Variants in AP3S2 observed in about 807,000 individuals in gnomAD.
AP3S2 encodes AP-3 complex subunit sigma-2.
In AP3S2, 22 loss-of-function variants were observed where a neutral mutation model predicts 23.4. The observed-to-expected ratio is 0.94, with a 90% CI of 0.67 to 1.34. The LOEUF (loss-of-function observed/expected upper bound fraction) is 1.34. Ranked by LOEUF, AP3S2 falls within the 40% of genes most tolerant of loss-of-function variation. The probability of loss-of-function intolerance (pLI) is 0.00; values close to 1 mark genes in which losing one functional copy is unlikely to be tolerated. For missense variants in AP3S2, 241 were observed against 236.9 expected, an observed-to-expected ratio of 1.02 and a Z score of -0.11; for synonymous variants, 86 against 87.1, an observed-to-expected ratio of 0.99 and a Z score of 0.07.
intron 1 of AP3S2, among the ~76,000 whole-genome samples, chr15:89,890,880 C>T (rs1302709194): frequency 1.3e-5 from 2 of 152,206 alleles, no homozygotes; most frequent in Non-Finnish European, 2.9e-5. Flanking sequence ...ACAGTATTTA[C>T]TGACTGAATG....
intron 3 of AP3S2, among the ~76,000 whole-genome samples, chr15:89,879,502 G>GAA (rs1189259942): frequency 3.9e-4 from 60 of 152,208 alleles, no homozygotes; most frequent in Admixed American, 2.6e-3. Flanking sequence ...CCATATTATG[G>GAA]AAAATCACAC....
intron 4 of AP3S2, among the ~76,000 whole-genome samples, chr15:89,868,386 A>AG (rs1896212301): frequency 1.9e-4 from 5 of 26,276 alleles, no homozygotes; most frequent in Admixed American, 4.2e-4. Context: ...TCCGGGAGGG[A>AG]GGTGGGGGGG....
In AP3S2 at chr15:89,832,631, G is replaced by A. The variant is rs992285242; in HGVS notation, c.*2884C>T. 3 of 151,928 alleles carry A rather than the reference G, an allele frequency of 2.0e-5. No homozygotes were observed. The highest frequency in any genetic ancestry group is 4.4e-5 in the Non-Finnish European group (3 of 68,044). 9.4% of individuals were successfully genotyped at this position (151,928 alleles called of 1,614,324 possible). On this transcript the variant is annotated 3_prime_UTR_variant, in exon 6 of 6. Coordinates refer to ENST00000336418, the MANE Select transcript of AP3S2 (RefSeq NM_005829.5). ...AGCCTCCTGAGTAGCTGGGACTACA[G>A]GTGTCCACTACCACGGCTGGCCAAT...
chr15:89,849,574 A>T (rs543486256), intron 4 of AP3S2, among the ~76,000 whole-genome samples: 1 of 152,010 alleles, frequency 6.6e-6, no homozygotes, highest in South Asian at 2.1e-4. Flanking sequence ...TCACTATGTT[A>T]GCCAGGATGG....
intron 3 of AP3S2, among the ~76,000 whole-genome samples, chr15:89,875,453 G>C (rs899080043): frequency 1.3e-5 from 2 of 152,164 alleles, no homozygotes; most frequent in African/African-American, 4.8e-5. Context: ...GAAAGAAAAC[G>C]AAGGACGAAA....
chr15:89,885,329 A>C (rs1485233464), intron 3 of AP3S2, among the ~76,000 whole-genome samples: 1 of 152,160 alleles, frequency 6.6e-6, no homozygotes, highest in Non-Finnish European at 1.5e-5. Flanking sequence ...CAAACAGCCA[A>C]GCAGCTGGGA....
intron 4 of AP3S2, among the ~76,000 whole-genome samples, chr15:89,856,048 T>TA (rs1175961461): frequency 6.7e-6 from 1 of 149,728 alleles, no homozygotes; most frequent in Non-Finnish European, 1.5e-5. Flanking sequence ...GAGGGTTGCA[T>TA]AAATTACACA....
intron 2 of AP3S2, among the ~76,000 whole-genome samples, 194 bp from the exon 3 acceptor site, chr15:89,888,826 T>A (rs1896755843): frequency 6.6e-6 from 1 of 152,198 alleles, no homozygotes; most frequent in Non-Finnish European, 1.5e-5. Flanking sequence ...CCTCTTCTCC[T>A]GCCTATCCTC....
intron 5 of AP3S2, among the ~76,000 whole-genome samples, chr15:89,837,097 C>T (rs1462115919): frequency 6.6e-6 from 1 of 152,116 alleles, no homozygotes; most frequent in Non-Finnish European, 1.5e-5. Flanking sequence ...TGGGGGTGGA[C>T]TGGGGTATGT....
intron 4 of AP3S2, among the ~76,000 whole-genome samples, chr15:89,843,659 T>C (rs1386965288): frequency 6.6e-6 from 1 of 151,502 alleles, no homozygotes; most frequent in Non-Finnish European, 1.5e-5. Context: ...AAACAAAAGT[T>C]AGCTGGGCAG....
intron 4 of AP3S2, among the ~76,000 whole-genome samples, chr15:89,868,105 G>A (rs1226903167): frequency 3.3e-4 from 38 of 115,432 alleles, no homozygotes; most frequent in African/African-American, 1.1e-3. Context: ...ACCCCGTCCG[G>A]GAGGGAGATG....
chr15:89,858,525 GAA>G (rs71151538), intron 4 of AP3S2, among the ~76,000 whole-genome samples: 642 of 47,016 alleles, frequency 0.014, 1 homozygote, highest in Admixed American at 0.019. Context: ...GAGAGAGAGA[GAA>G]AGAAAGAAAG....
chr15:89,837,031 C>A (rs1487693784), intron 5 of AP3S2, among the ~76,000 whole-genome samples: 2 of 152,180 alleles, frequency 1.3e-5, no homozygotes. Context: ...GACGGCGAGA[C>A]CTCAGAGGGA....
intron 4 of AP3S2, among the ~76,000 whole-genome samples, chr15:89,854,372 C>T (rs1296380576): frequency 6.0e-5 from 3 of 50,046 alleles, no homozygotes; most frequent in Admixed American, 1.6e-4. Flanking sequence ...CCTGGCCAGC[C>T]GCCCCGTCCG....
chr15:89,877,986 C>T (rs1596215735), intron 3 of AP3S2, among the ~76,000 whole-genome samples: 1 of 152,006 alleles, frequency 6.6e-6, no homozygotes, highest in Non-Finnish European at 1.5e-5. Flanking sequence ...TTTTTTGGTT[C>T]GTGAATTCTA....
chr15:89,841,649 G>C (rs544911173), intron 4 of AP3S2, among the ~76,000 whole-genome samples: 48 of 152,218 alleles, frequency 3.2e-4, no homozygotes, highest in Admixed American at 1.4e-3. Flanking sequence ...GCTAAGAGAC[G>C]CCTTGCCTAT....
chr15:89,856,866 C>CT (rs764670106), intron 4 of AP3S2, among the ~76,000 whole-genome samples: 2 of 146,600 alleles, frequency 1.4e-5, no homozygotes, highest in Admixed American at 1.4e-4. Context: ...GAGTAAGACT[C>CT]TGTCTTAAAA....
intron 4 of AP3S2, among the ~76,000 whole-genome samples, chr15:89,850,887 G>A (rs1469275539): frequency 6.6e-6 from 1 of 151,854 alleles, no homozygotes; most frequent in African/African-American, 2.4e-5. Context: ...GCTAATTTTT[G>A]TATTTTTTGT....
At chr15:89,863,084 G>C (rs755816832) in intron 4 of AP3S2, among the ~76,000 whole-genome samples, 1 of 151,994 alleles carries the variant, frequency 6.6e-6, no homozygotes, top group Non-Finnish European at 1.5e-5. Flanking sequence ...AAGAAAGGTG[G>C]AAAAAGATTA....
Sources: gnomAD v4.1 joint callset for allele counts (sites outside exome capture counted in the v4.1 genomes callset) on GRCh38, gnomAD v4.1.1 for gene constraint, MANE v1.5 for transcripts, NCBI Gene and HGNC (gene_info 2026-07-23, HGNC 2026-07-21) for gene names.